KRT6C: variants seen among roughly 807,000 people sequenced by gnomAD.
The protein encoded by KRT6C is keratin, type II cytoskeletal 6C.
KRT6C carries 46 observed loss-of-function variants against 49.4 expected under a neutral mutation model. The ratio of observed to expected loss-of-function variants is 0.93; its 90% CI spans 0.74 to 1.19. The LOEUF (loss-of-function observed/expected upper bound fraction) is 1.19, where lower values mean the gene tolerates loss of function less well. KRT6C is among the 50% of genes most tolerant of loss of function. The pLI, the probability that KRT6C is intolerant of heterozygous loss-of-function variation, is 0.00. For synonymous variants in KRT6C, 236 were observed against 297.1 expected (o/e 0.79, Z 2.12); for missense variants, 552 against 737.5 (o/e 0.75, Z 2.91).
Position 52,470,523 on chromosome 12 carries a change from G to C in KRT6C, c.1185C>G (p.Ile395Met), listed in dbSNP as rs761855542. 3.1e-6 allele frequency: 5 copies of C among 1,613,914 alleles called. No homozygotes were observed. The highest frequency in any genetic ancestry group is 4.5e-5 in the East Asian group (2 of 44,882). The change falls in exon 6 of 9, where the codon ATC becomes ATG. Residue 395 changes from isoleucine to methionine, a missense_variant. Coordinates refer to ENST00000252250, the MANE Select transcript of KRT6C (RefSeq NM_173086.5). ...NRMIQRLRSE[I>M]DHVKKQCASL... is the part of the protein sequence containing the mutation. The stretch of plus-strand genomic sequence containing the variant: ...ACTGTACCTGCTTCTTGACATGGTC[G>C]ATCTCAGATCTCAGCCTCTGGATCA...
rs371806019 is a variant in KRT6C at position 52,469,681 on chromosome 12, G to C, written c.1413C>G (p.Gly471=). ...EIATYRKLLE[G]EECRLNGEGV... Reference sequence around the variant, plus strand: ...CGTCAGTTACCTACCTGCACTCCTCGCCCTCCAGCAGCTTGCGGTAGGTGG... The same window carrying C: ...CGTCAGTTACCTACCTGCACTCCTCCCCCTCCAGCAGCTTGCGGTAGGTGG... The change falls in exon 7 of 9, where the codon GGC becomes GGG. Residue 471 remains glycine (G), a synonymous_variant. Coordinates refer to ENST00000252250, the MANE Select transcript of KRT6C (RefSeq NM_173086.5). 2.5e-6 allele frequency: 4 copies of C among 1,614,090 alleles called. 1 individual carries two copies. Among genetic ancestry groups the C allele is most frequent in the Middle Eastern group, 3.3e-4 (2 of 6,062 alleles).
At position 52,472,111 on chromosome 12, in the gene KRT6C, G is replaced by A. The variant is rs533243700; in HGVS notation, c.710C>T (p.Ser237Leu). 2.0e-5 allele frequency: 32 copies of A among 1,599,272 alleles called. No individual in the cohort carries two copies. Among genetic ancestry groups the A allele is most frequent in the Middle Eastern group, 1.7e-4 (1 of 6,054 alleles). The stretch of plus-strand genomic sequence containing the variant: ...CAGGTCCTGCATGTTTCTCAGCTCC[G>A]AGTCCAGGCGGCCCCGTTCCCCGAC... ...SIVGERGRLD[S>L]ELRNMQDLVE... is the part of the protein sequence containing the mutation. Residue 237 changes from serine (S) to leucine (L), a missense_variant, in exon 2 of 9, where the codon TCG (serine) becomes TTG (leucine). Ser to Leu is a moderately radical substitution (Grantham distance 145). Coordinates refer to ENST00000252250, the MANE Select transcript of KRT6C (RefSeq NM_173086.5).
chr12:52,471,906 C>G, intron 2 of KRT6C, among the ~76,000 whole-genome samples, 160 bp downstream of exon 2: 1 of 149,172 alleles, frequency 6.7e-6, no homozygotes, highest in Non-Finnish European at 1.5e-5. Context: ...TTTAATCCCC[C>G]CATCCTCCCA....
chr12:52,470,410 T>C, intron 6 of KRT6C, 95 bp downstream of exon 6: 1 of 1,607,110 alleles, frequency 6.2e-7, no homozygotes, highest in Non-Finnish European at 8.5e-7. Context: ...TAGTGTTGGT[T>C]TACGTTTCAG....
chr12:52,472,636 G>A (rs1393643360), intron 1 of KRT6C, among the ~76,000 whole-genome samples: 1 of 134,902 alleles, frequency 7.4e-6, no homozygotes, highest in African/African-American at 2.5e-5. Context: ...TCTTAGTTAG[G>A]AGAGATATTA....
At chr12:52,470,445 G>A (rs994995370) in intron 6 of KRT6C, 60 bp downstream of exon 6, 2 of 1,613,340 alleles carry the variant, frequency 1.2e-6, no homozygotes, top group Non-Finnish European at 1.7e-6. Flanking sequence ...AATGGCTAAT[G>A]ACTGCCTGAT....
At position 52,469,130 on chromosome 12, in the gene KRT6C, C is replaced by T; in HGVS notation, c.1627G>A (p.Gly543Arg). ...RAIGGGLSSV[G>R]GGSSTIKYTT... ...TACTTGATGGTGGAACTGCCGCCTC[C>T]AACAGAGCTGAGGCCACCCCCAATG... The change falls in exon 9 of 9, where the codon GGA becomes AGA. Residue 543 changes from glycine (G) to arginine (R), a missense_variant. Around this residue, in one of 3 missense-constraint regions of KRT6C, gnomAD observed 425 missense variants for 439.4 expected, o/e 0.97. Coordinates refer to ENST00000252250, the MANE Select transcript of KRT6C (RefSeq NM_173086.5). 3.7e-6 allele frequency: 6 copies of T among 1,614,042 alleles called. No individual in the cohort carries two copies. The highest frequency in any genetic ancestry group is 5.1e-6 in the Non-Finnish European group (6 of 1,179,912).
At chr12:52,470,897 T>C (rs1937866740) in intron 5 of KRT6C, among the ~76,000 whole-genome samples, 1 of 152,194 alleles carries the variant, frequency 6.6e-6, no homozygotes, top group South Asian at 2.1e-4. Flanking sequence ...AGGGTGAAGA[T>C]AAATGCAGAG....
chr12:52,472,992 G>T (rs886151012), intron 1 of KRT6C, among the ~76,000 whole-genome samples: 7 of 150,608 alleles, frequency 4.6e-5, no homozygotes, highest in Non-Finnish European at 8.9e-5. Context: ...GCTCTCCCTA[G>T]GCAGGAGTGA....
In KRT6C at chr12:52,472,090, T is replaced by C. The variant is rs1333744793; in HGVS notation, c.731A>G (p.Asp244Gly). The change falls in exon 2 of 9, where the codon GAC becomes GGC. Residue 244 changes from aspartate (D) to glycine (G), a missense_variant. Asp to Gly is a moderately conservative substitution (Grantham distance 94, BLOSUM62 -1). Transcript: ENST00000252250. ...RLDSELRNMQ[D>G]LVEDLKNKYE... ...CTTGTTCTTGAGGTCCTCCACCAGG[T>C]CCTGCATGTTTCTCAGCTCCGAGTC... The C allele has an allele frequency of 6.3e-7, 1 of 1,597,994 alleles. No homozygotes were observed. Among genetic ancestry groups the C allele is most frequent in the Non-Finnish European group, 8.5e-7 (1 of 1,174,362 alleles).
chr12:52,471,609 C>T (rs602005), intron 3 of KRT6C, 63 bp downstream of exon 3: 410,175 of 1,371,098 alleles, frequency 0.3, 81,290 homozygotes, highest in East Asian at 0.55. Context: ...CCCAGGGGAG[C>T]GAGGACACAG....
At position 52,469,042 on chromosome 12, in the gene KRT6C, C is replaced by T. The variant is rs377681976; in HGVS notation, c.*20G>A. The T allele has an allele frequency of 1.9e-5, 31 of 1,613,950 alleles. No homozygotes were observed. The highest frequency in any genetic ancestry group is 5.0e-5 in the Admixed American group (3 of 60,000). ...GAGAAGGGCCTGAGGACTGTGGGAC[C>T]GAGAGCTGGAGGCAGCACTTTAGTG... On this transcript the variant is annotated 3_prime_UTR_variant, in exon 9 of 9. Transcript: ENST00000252250.
chr12:52,470,522 C>T lies in KRT6C; in HGVS notation c.1186G>A (p.Asp396Asn), dbSNP rs764294487. ...CACTGTACCTGCTTCTTGACATGGTCGATCTCAGATCTCAGCCTCTGGATC... is the reference window on the plus strand; with the variant it reads ...CACTGTACCTGCTTCTTGACATGGTTGATCTCAGATCTCAGCCTCTGGATC... ...RMIQRLRSEIDHVKKQCASLQ... is the reference protein window; with the variant it reads ...RMIQRLRSEINHVKKQCASLQ... Residue 396 changes from aspartate to asparagine, a missense_variant, in exon 6 of 9, where the codon GAC becomes AAC. By Grantham distance (23) the Asp-to-Asn change is conservative (BLOSUM62 1). Around this residue, in one of 3 missense-constraint regions of KRT6C, gnomAD observed 425 missense variants for 439.4 expected, o/e 0.97. Coordinates refer to ENST00000252250, the MANE Select transcript of KRT6C (RefSeq NM_173086.5). 4.2e-5 allele frequency: 67 copies of T among 1,613,988 alleles called. No individual in the cohort carries two copies. Among genetic ancestry groups the T allele is most frequent in the South Asian group, 2.7e-4 (25 of 91,074 alleles).
Position 52,471,246 on chromosome 12 carries a change from G to A in KRT6C, c.963C>T (p.Ser321=), listed in dbSNP as rs1227085179. Residue 321 remains serine (S), a synonymous_variant, in exon 5 of 9, where the codon TCC becomes TCT. Coordinates refer to ENST00000252250, the MANE Select transcript of KRT6C (RefSeq NM_173086.5). ...GGTCCAGGTTGCGGTTGTTGTCCAT[G>A]GATAGCACCACGGATGTGTCTGAGA... ...THISDTSVVL[S]MDNNRNLDLD... 1.2e-6 allele frequency: 2 copies of A among 1,614,178 alleles called. No individual in the cohort carries two copies. The highest frequency in any genetic ancestry group is 2.2e-5 in the East Asian group (1 of 44,880).
intron 8 of KRT6C, 55 bp from the exon 9 acceptor site, chr12:52,469,352 G>T (rs1937831038): frequency 6.2e-7 from 1 of 1,614,010 alleles, no homozygotes; most frequent in Non-Finnish European, 8.5e-7. Context: ...CATCCTGCCG[G>T]CCTGAGCCCA....
rs1333844772 is a variant in KRT6C at position 52,470,288 on chromosome 12, CT to C, written c.1203+216del. ...TGTAGGGGAGGTGGTAACTTTTTAC[CT>C]GACTGTTGAGACCTGGCCTTGCTTG... On this transcript the variant is annotated intron_variant, in intron 6 of 8. Coordinates refer to ENST00000252250, the MANE Select transcript of KRT6C (RefSeq NM_173086.5). 3 of 761,424 alleles carry C rather than the reference CT, an allele frequency of 3.9e-6. No individual in the cohort carries two copies. In the African/African-American group the frequency reaches 5.2e-5, roughly 13 times the overall value. The allele number at this position is 761,424 out of a possible 1,614,324, so 47.2% of individuals were successfully genotyped here.
In KRT6C at chr12:52,469,430, G is replaced by A. The variant is rs749955459; in HGVS notation, c.1440C>T (p.Gly480=). The A allele has an allele frequency of 7.4e-6, 12 of 1,613,822 alleles. No homozygotes were observed. The African/African-American group carries it at 1.3e-4, about 18-fold the overall frequency. Residue 480 remains glycine (G), a synonymous_variant, in exon 8 of 9, where the codon GGC becomes GGT. Coordinates refer to ENST00000252250, the MANE Select transcript of KRT6C (RefSeq NM_173086.5). ...EGEECRLNGE[G]VGQVNVSVVQ... is the part of the protein sequence containing the mutation. ...ACTTACAGACGTTGACTTGTCCAAC[G>A]CCTTCGCCATTCAGCCTGTGGAGAG...
chr12:52,469,140 G>A lies in KRT6C; in HGVS notation c.1617C>T (p.Leu539=). The change falls in exon 9 of 9, where the codon CTC becomes CTT. Residue 539 remains leucine, a synonymous_variant. Coordinates refer to ENST00000252250, the MANE Select transcript of KRT6C (RefSeq NM_173086.5). Reference sequence around the variant, plus strand: ...TGGAACTGCCGCCTCCAACAGAGCTGAGGCCACCCCCAATGGCTCTGCCAC... The same window carrying A: ...TGGAACTGCCGCCTCCAACAGAGCTAAGGCCACCCCCAATGGCTCTGCCAC... ...SSSGRAIGGG[L]SSVGGGSSTI... is the part of the protein sequence containing the mutation. 3 of 1,614,068 alleles carry A rather than the reference G, an allele frequency of 1.9e-6. No individual in the cohort carries two copies. Among genetic ancestry groups the A allele is most frequent in the South Asian group, 2.2e-5 (2 of 91,072 alleles).
rs758329162 is a variant in KRT6C, at chr12:52,471,738, G to A, written c.756-6C>T. On this transcript the variant is annotated splice_region_variant and splice_polypyrimidine_tract_variant and intron_variant, in intron 2 of 8. Coordinates refer to ENST00000252250, the MANE Select transcript of KRT6C (RefSeq NM_173086.5). ...TGTTGATTTCATCCTCATATCTACA[G>A]GAAGAAAGGCATAGGACACATATGA... 2.9e-5 allele frequency: 47 copies of A among 1,613,672 alleles called. No homozygotes were observed. Among genetic ancestry groups the A allele is most frequent in the Non-Finnish European group, 3.8e-5 (45 of 1,179,832 alleles).
Sources: allele counts gnomAD v4.1 joint callset (sites outside exome capture counted in the v4.1 genomes callset), GRCh38; gene constraint gnomAD v4.1.1; regional missense constraint gnomAD v4.1.1; transcripts MANE v1.5; gene names NCBI Gene and HGNC (gene_info 2026-07-23, HGNC 2026-07-21).